SCHIP1: variants seen among roughly 807,000 people sequenced by gnomAD.
The protein encoded by SCHIP1 is schwannomin-interacting protein 1.
In SCHIP1, 8 loss-of-function variants were observed where a neutral mutation model predicts 29.7. That is an observed-to-expected ratio of 0.27 (90% CI 0.16 to 0.49). The LOEUF is 0.49. Among genes scored for constraint, SCHIP1 ranks in the 20% least tolerant of loss-of-function variants. The pLI is 0.99. For synonymous variants in SCHIP1, 76 were observed against 94.9 expected, an observed-to-expected ratio of 0.80 and a Z score of 1.16; for missense variants, 193 against 294.6, an observed-to-expected ratio of 0.66 and a Z score of 2.52.
the SCHIP1 span, among the ~76,000 whole-genome samples, chr3:159,292,159 G>T: frequency 6.6e-6 from 1 of 151,934 alleles, no homozygotes; most frequent in Non-Finnish European, 1.5e-5. Context: ...CTGATATCTG[G>T]CACTTATTTT....
rs559502174 is a variant in SCHIP1, at chr3:159,851,800, C to A, written c.30+11586C>A. 4.8e-4 allele frequency among the ~76,000 whole-genome samples: 73 copies of A among 152,296 alleles called. 2 individuals carry two copies. The South Asian group carries it at 0.015, about 31-fold the overall frequency. ...GCTGCCTGCATGCAGACAGTGGGAC[C>A]CCCATCTGGAGTGAGGGTCCTGGGG... On this transcript the variant is annotated intron_variant, in intron 1 of 6. Transcript: ENST00000445224.
chr3:159,377,620 A>G, the SCHIP1 span, among the ~76,000 whole-genome samples: 1 of 152,182 alleles, frequency 6.6e-6, no homozygotes, highest in Non-Finnish European at 1.5e-5. Context: ...ATGAAAGACA[A>G]ATACTTCTCC....
chr3:159,280,975 C>G, the SCHIP1 span, among the ~76,000 whole-genome samples: 25 of 152,268 alleles, frequency 1.6e-4, no homozygotes, highest in South Asian at 5.2e-3. Context: ...AGGGAGTAAT[C>G]CACGATTGCA....
the SCHIP1 span, among the ~76,000 whole-genome samples, chr3:159,730,753 G>A: frequency 6.6e-6 from 1 of 152,146 alleles, no homozygotes; most frequent in African/African-American, 2.4e-5. Flanking sequence ...TTTGACCACA[G>A]CAAAAGGGAG....
At chr3:159,355,413 A>G in the SCHIP1 span, among the ~76,000 whole-genome samples, 1 of 152,124 alleles carries the variant, frequency 6.6e-6, no homozygotes, top group African/African-American at 2.4e-5. Flanking sequence ...GAGCAAAAAC[A>G]AGGAAATTAC....
chr3:159,628,193 T>C, the SCHIP1 span, among the ~76,000 whole-genome samples: 1 of 151,748 alleles, frequency 6.6e-6, no homozygotes, highest in African/African-American at 2.4e-5. Context: ...CTCTAAGCAC[T>C]CAGGGACTTA....
At chr3:159,360,156 C>T in the SCHIP1 span, among the ~76,000 whole-genome samples, 1 of 152,088 alleles carries the variant, frequency 6.6e-6, no homozygotes, top group Non-Finnish European at 1.5e-5. Context: ...CATAAGGAGC[C>T]CAGGGACCAT....
At chr3:159,515,825 A>G in the SCHIP1 span, among the ~76,000 whole-genome samples, 3,905 of 152,326 alleles carry the variant, frequency 0.026, 70 homozygotes, top group Non-Finnish European at 0.038. Flanking sequence ...TAGCAGGCAC[A>G]GGAGATATGG....
the SCHIP1 span, among the ~76,000 whole-genome samples, chr3:159,399,544 AC>A: frequency 6.6e-6 from 1 of 152,144 alleles, no homozygotes; most frequent in Non-Finnish European, 1.5e-5. Flanking sequence ...TTATTGACTT[AC>A]TGAAGCACCA....
At chr3:159,809,072 G>C in the SCHIP1 span, among the ~76,000 whole-genome samples, 1 of 148,888 alleles carries the variant, frequency 6.7e-6, no homozygotes, top group East Asian at 2.0e-4. Flanking sequence ...GTGCCATGTT[G>C]CTTTTCTGCA....
the SCHIP1 span, among the ~76,000 whole-genome samples, chr3:159,592,376 T>A: frequency 6.6e-6 from 1 of 152,072 alleles, no homozygotes; most frequent in East Asian, 1.9e-4. Context: ...TATCCTGCAG[T>A]ATAAATTATA....
chr3:159,622,546 T>C, the SCHIP1 span, among the ~76,000 whole-genome samples: 4 of 152,200 alleles, frequency 2.6e-5, no homozygotes, highest in South Asian at 2.1e-4. Flanking sequence ...CATTAATCCT[T>C]ACAAGTGAAT....
At chr3:159,402,227 T>G in the SCHIP1 span, among the ~76,000 whole-genome samples, 11 of 152,058 alleles carry the variant, frequency 7.2e-5, no homozygotes, top group Non-Finnish European at 1.5e-4. Flanking sequence ...AAAACCACAA[T>G]GAGATACCAT....
chr3:159,598,338 C>T, the SCHIP1 span, among the ~76,000 whole-genome samples: 1 of 152,180 alleles, frequency 6.6e-6, no homozygotes, highest in Admixed American at 6.6e-5. Flanking sequence ...GTCCCTTCCA[C>T]CTATGAACCT....
the SCHIP1 span, among the ~76,000 whole-genome samples, chr3:159,767,330 A>G: frequency 2.6e-5 from 4 of 152,224 alleles, no homozygotes; most frequent in African/African-American, 9.6e-5. Context: ...TTTTATATGT[A>G]TGGTGGGTTG....
At chr3:159,660,432 G>T in the SCHIP1 span, among the ~76,000 whole-genome samples, 1 of 151,958 alleles carries the variant, frequency 6.6e-6, no homozygotes, top group Non-Finnish European at 1.5e-5. Context: ...GATTGTCATG[G>T]GTTAATATTC....
chr3:159,637,299 G>A, the SCHIP1 span, among the ~76,000 whole-genome samples: 1 of 151,612 alleles, frequency 6.6e-6, no homozygotes, highest in African/African-American at 2.4e-5. Context: ...CTTACTGTGG[G>A]GAACAGACAA....
At chr3:159,447,383 G>A in the SCHIP1 span, among the ~76,000 whole-genome samples, 1 of 152,124 alleles carries the variant, frequency 6.6e-6, no homozygotes, top group Admixed American at 6.6e-5. Flanking sequence ...AATTTGAGGT[G>A]GCTAAGAGTA....
the SCHIP1 span, among the ~76,000 whole-genome samples, chr3:159,467,678 A>G: frequency 6.6e-6 from 1 of 152,146 alleles, no homozygotes; most frequent in African/African-American, 2.4e-5. Flanking sequence ...GAGAGAAAAA[A>G]TGATCAAATT....
Sources: allele counts gnomAD v4.1 joint callset (sites outside exome capture counted in the v4.1 genomes callset), GRCh38; gene constraint gnomAD v4.1.1; transcripts MANE v1.5; gene names NCBI Gene and HGNC (gene_info 2026-07-23, HGNC 2026-07-21).